TGIF1: variants seen among roughly 807,000 people sequenced by gnomAD.
TGIF1 encodes the protein homeobox protein TGIF1.
In TGIF1, 4 loss-of-function variants were observed where a neutral mutation model predicts 19.3. That is an observed-to-expected ratio of 0.21 (90% CI 0.10 to 0.47). TGIF1 has a LOEUF of 0.47. Among genes scored for constraint, TGIF1 ranks in the 20% least tolerant of loss-of-function variants. The pLI, the probability that TGIF1 is intolerant of heterozygous loss-of-function variation, is 0.98. For missense variants in TGIF1, 275 were observed against 341.4 expected (o/e 0.81, Z 1.53); for synonymous variants, 122 against 129.3 (o/e 0.94, Z 0.38).
chr18:3,435,342 G>T (rs1339797368), intron 2 of TGIF1, among the ~76,000 whole-genome samples: 1 of 151,914 alleles, frequency 6.6e-6, no homozygotes, highest in Non-Finnish European at 1.5e-5. Flanking sequence ...GACTGCAGGC[G>T]CATGCTGCCA....
In TGIF1 at chr18:3,421,551, T is replaced by C. The variant is rs1255757602; in HGVS notation, c.-45+3336T>C. Reference sequence around the variant, plus strand: ...CCTCAGCCTCCTGAGTAGCTGGGATTACAGGCATGCACCACCAAACCCAGC... The same window carrying C: ...CCTCAGCCTCCTGAGTAGCTGGGATCACAGGCATGCACCACCAAACCCAGC... On this transcript the variant is annotated intron_variant, in intron 2 of 3. Transcript: ENST00000401449. 2.0e-5 allele frequency among the ~76,000 whole-genome samples: 3 copies of C among 151,758 alleles called. No homozygotes were observed. In the East Asian group the frequency reaches 5.8e-4, roughly 29 times the overall value.
intron 1 of TGIF1, chr18:3,455,414 A>G (rs1416561018): frequency 6.6e-6 from 1 of 152,208 alleles, no homozygotes; most frequent in Non-Finnish European, 1.5e-5. Context: ...TGGCAGGATT[A>G]AAGTACTTAC....
chr18:3,449,130 A>T (rs1466015922), upstream of TGIF1, among the ~76,000 whole-genome samples: 2 of 152,186 alleles, frequency 1.3e-5, no homozygotes, highest in Non-Finnish European at 2.9e-5. Flanking sequence ...AATTTCATCA[A>T]GAAACTCCTG....
At chr18:3,449,839 C>T, upstream of TGIF1, 1 of 985,508 alleles carries the variant, frequency 1.0e-6, no homozygotes, top group Non-Finnish European at 1.2e-6. Flanking sequence ...CCATCTGTTG[C>T]AGTTTCCGAA....
At chr18:3,422,538 A>G (rs1165150882) in intron 2 of TGIF1, among the ~76,000 whole-genome samples, 1 of 151,824 alleles carries the variant, frequency 6.6e-6, no homozygotes, top group African/African-American at 2.4e-5. Flanking sequence ...AGTGTATATC[A>G]TTTATAAAGT....
chr18:3,448,714 TGTC>T (rs2082800549), upstream of TGIF1: 36 of 456,568 alleles, frequency 7.9e-5, no homozygotes, highest in South Asian at 9.9e-5. Context: ...GGGGCGGGGG[TGTC>T]TTTTTTTTTT....
intron 2 of TGIF1, among the ~76,000 whole-genome samples, chr18:3,433,628 C>T (rs1356264346): frequency 6.6e-6 from 1 of 152,132 alleles, no homozygotes; most frequent in African/African-American, 2.4e-5. Flanking sequence ...TTACTAGGGA[C>T]TGTGGGGAGG....
chr18:3,452,149 T>G, intron 1 of TGIF1: 1 of 1,613,824 alleles, frequency 6.2e-7, no homozygotes, highest in Non-Finnish European at 8.5e-7. Flanking sequence ...CGCGGCACTT[T>G]GGCCTACCTT....
At chr18:3,432,465 G>A (rs961325795) in intron 2 of TGIF1, among the ~76,000 whole-genome samples, 1 of 152,138 alleles carries the variant, frequency 6.6e-6, no homozygotes, top group Non-Finnish European at 1.5e-5. Flanking sequence ...CTAGGTAATA[G>A]CATTATATCA....
chr18:3,432,845 C>T (rs966335657), intron 2 of TGIF1, among the ~76,000 whole-genome samples: 9 of 151,908 alleles, frequency 5.9e-5, no homozygotes, highest in East Asian at 5.8e-4. Context: ...CCACAACCTC[C>T]GCCGCCTGGG....
chr18:3,452,916 T>G (rs147717801), intron 1 of TGIF1, among the ~76,000 whole-genome samples: 2,275 of 152,272 alleles, frequency 0.015, 57 homozygotes, highest in African/African-American at 0.051. Flanking sequence ...CCAAAAGATC[T>G]CCTAAAATGA....
Position 3,451,649 on chromosome 18 carries a change from A to C in TGIF1, c.16+1144A>C. The C allele has an allele frequency of 8.9e-7, 1 of 1,129,344 alleles. No homozygotes were observed. The highest frequency in any genetic ancestry group is 1.1e-6 in the Non-Finnish European group (1 of 923,044). 70.0% of individuals were successfully genotyped at this position (1,129,344 alleles called of 1,614,324 possible). A position where few individuals can be genotyped will look rare whatever the true frequency, so the allele number is the denominator to read the frequency against. Reference sequence around the variant, plus strand: ...GTTCCTGGGGGGTAGCCTCAAGGCCAGCGGGGTTCCTTCGGCTGCGTTTCT... The same window carrying C: ...GTTCCTGGGGGGTAGCCTCAAGGCCCGCGGGGTTCCTTCGGCTGCGTTTCT... On this transcript the variant is annotated intron_variant, in intron 1 of 2. Coordinates refer to ENST00000343820, the MANE Select transcript of TGIF1 (RefSeq NM_003244.4). This position sits in a 1 kb window ranked among gnomAD's most constrained non-coding sequence, Gnocchi z 5.4.
chr18:3,447,339 T>TA (rs11421150), upstream of TGIF1, among the ~76,000 whole-genome samples: 58,634 of 141,546 alleles, frequency 0.41, 11,947 homozygotes, highest in Non-Finnish European at 0.45. Flanking sequence ...CTATATACTT[T>TA]AAAAAAAAAA....
rs928678658 is a variant in TGIF1, at chr18:3,451,865, C to A, written c.16+1360C>A. ...TGGGAGAAAACGCGCGGGGGGCGTC[C>A]GAGACGCCCCGTGAAAGCCGTGCCG... On this transcript the variant is annotated intron_variant, in intron 1 of 2. Transcript: ENST00000343820. The surrounding 1 kb of genome is among the most constrained non-coding windows in gnomAD (Gnocchi z 5.4). 69 of 1,415,550 alleles carry A rather than the reference C, an allele frequency of 4.9e-5. No individual in the cohort carries two copies. The highest frequency in any genetic ancestry group is 6.3e-5 in the Non-Finnish European group (68 of 1,084,594). 87.7% of individuals were successfully genotyped at this position (1,415,550 alleles called of 1,614,324 possible). A position where few individuals can be genotyped will look rare whatever the true frequency, so the allele number is the denominator to read the frequency against.
intron 1 of TGIF1, chr18:3,452,297 G>A: frequency 6.2e-7 from 1 of 1,612,306 alleles, no homozygotes; most frequent in Non-Finnish European, 8.5e-7. Context: ...GGCCCCGCCG[G>A]CCGCATCGGT....
At chr18:3,452,249 GC>G in intron 1 of TGIF1, 5 of 1,609,316 alleles carry the variant, frequency 3.1e-6, no homozygotes, top group Non-Finnish European at 4.2e-6. Flanking sequence ...GCTGCCCACA[GC>G]CGCGTGCCCT....
At position 3,457,064 on chromosome 18, in the gene TGIF1, C is replaced by G. The variant is rs2049379192; in HGVS notation, c.244-301C>G. The G allele has an allele frequency of 1.8e-6, 1 of 559,044 alleles. No individual in the cohort carries two copies. The highest frequency in any genetic ancestry group is 3.2e-6 in the Non-Finnish European group (1 of 316,240). 34.6% of individuals were successfully genotyped at this position (559,044 alleles called of 1,614,324 possible). On this transcript the variant is annotated intron_variant, in intron 2 of 2. Coordinates refer to ENST00000343820, the MANE Select transcript of TGIF1 (RefSeq NM_003244.4). The surrounding 1 kb of genome is among the most constrained non-coding windows in gnomAD (Gnocchi z 4.9). ...ATGGGGAGAGTTAAAAAGTAAACCT[C>G]TCTCTCAAATCATTTTTAAGCATTT...
chr18:3,448,081 G>C (rs988628452), upstream of TGIF1: 16 of 976,736 alleles, frequency 1.6e-5, no homozygotes, highest in South Asian at 5.2e-4. Flanking sequence ...GGCGGGGGGG[G>C]AGGTAGGGTT....
In TGIF1 at chr18:3,451,850, C is replaced by G; in HGVS notation, c.16+1345C>G. 1 of 1,395,062 alleles carries G rather than the reference C, an allele frequency of 7.2e-7. No individual in the cohort carries two copies. Among genetic ancestry groups the G allele is most frequent in the South Asian group, 1.9e-5 (1 of 53,986 alleles). The allele number at this position is 1,395,062 out of a possible 1,614,324, so 86.4% of individuals were successfully genotyped here. ...ACAGGGAATTGGCCCTGGGAGAAAA[C>G]GCGCGGGGGGCGTCCGAGACGCCCC... On this transcript the variant is annotated intron_variant, in intron 1 of 2. Transcript: ENST00000343820. The surrounding 1 kb of genome is among the most constrained non-coding windows in gnomAD (Gnocchi z 5.4).
Sources: allele counts gnomAD v4.1 joint callset (sites outside exome capture counted in the v4.1 genomes callset), GRCh38; gene constraint gnomAD v4.1.1; non-coding constraint Gnocchi (gnomAD v3.1); transcripts MANE v1.5; gene names NCBI Gene and HGNC (gene_info 2026-07-23, HGNC 2026-07-21).